GPR158: variants seen among roughly 807,000 people sequenced by gnomAD.
The protein encoded by GPR158 is metabotropic glycine receptor.
GPR158 carries 30 observed loss-of-function variants against 78.2 expected under a neutral mutation model. The observed-to-expected ratio is 0.38, with a 90% CI of 0.29 to 0.52. GPR158 has a LOEUF of 0.52. Among genes scored for constraint, GPR158 ranks in the 20% least tolerant of loss-of-function variants. The pLI, the probability that GPR158 is intolerant of heterozygous loss-of-function variation, is 0.83. For missense variants in GPR158, 1,463 were observed against 1,523.5 expected (o/e 0.96, Z 0.66); for synonymous variants, 581 against 591.1 (o/e 0.98, Z 0.25).
At chr10:25,312,220 A>G (rs966135726) in intron 2 of GPR158, among the ~76,000 whole-genome samples, 1 of 152,036 alleles carries the variant, frequency 6.6e-6, no homozygotes, top group Non-Finnish European at 1.5e-5. Flanking sequence ...AGCCATTAGT[A>G]TATATTACAA....
chr10:25,514,630 A>G (rs909616363), intron 5 of GPR158, among the ~76,000 whole-genome samples: 2 of 152,130 alleles, frequency 1.3e-5, no homozygotes, highest in Admixed American at 6.6e-5. Context: ...TTATGCTTTA[A>G]GGAGGTTTTA....
chr10:25,503,017 C>A (rs1408396163), intron 5 of GPR158, among the ~76,000 whole-genome samples: 1 of 152,058 alleles, frequency 6.6e-6, no homozygotes. Context: ...TTTTAAAATC[C>A]TTGCTCTGAA....
chr10:25,417,447 A>T (rs80344926), intron 4 of GPR158, among the ~76,000 whole-genome samples: 2,675 of 152,276 alleles, frequency 0.018, 70 homozygotes, highest in African/African-American at 0.052. Context: ...TTCATTCAGA[A>T]TCATCCTCAG....
chr10:25,375,666 A>G (rs1287827080), intron 2 of GPR158, among the ~76,000 whole-genome samples: 1 of 151,508 alleles, frequency 6.6e-6, no homozygotes, highest in Admixed American at 6.6e-5. Context: ...TTTTCCGCTT[A>G]ATTGTATTTG....
intron 3 of GPR158, among the ~76,000 whole-genome samples, chr10:25,407,727 T>A (rs2130543613): frequency 6.6e-6 from 1 of 152,264 alleles, no homozygotes; most frequent in South Asian, 2.1e-4. Context: ...CGACTCCACC[T>A]TCAAACTCTG....
chr10:25,195,421 G>T (rs1852830633), intron 1 of GPR158, among the ~76,000 whole-genome samples: 1 of 152,056 alleles, frequency 6.6e-6, no homozygotes, highest in South Asian at 2.1e-4. Flanking sequence ...GGCCAGGCTG[G>T]CCTTGAACTC....
At chr10:25,487,635 T>C (rs1564469167) in intron 5 of GPR158, among the ~76,000 whole-genome samples, 1 of 152,184 alleles carries the variant, frequency 6.6e-6, no homozygotes, top group Non-Finnish European at 1.5e-5. Flanking sequence ...CTTCCTTATC[T>C]GTAAGTTGAA....
At position 25,272,394 on chromosome 10, in the gene GPR158, GTAGATGATTTATTT is replaced by G. The variant is rs375820684; in HGVS notation, c.1008+51240_1008+51253del. On this transcript the variant is annotated intron_variant, in intron 2 of 10. Coordinates refer to ENST00000376351, the MANE Select transcript of GPR158 (RefSeq NM_020752.3). Reference sequence around the variant, plus strand: ...ATAGTATAATGTGCTCACTTCTCTGGTAGATGATTTATTTTATACTTCCTTTATTTTCTATCTCC... The same window carrying G: ...ATAGTATAATGTGCTCACTTCTCTGGTATACTTCCTTTATTTTCTATCTCC... Among the ~76,000 whole-genome samples the G allele has an allele frequency of 9.0e-3, 1,366 of 152,114 alleles. 10 individuals are homozygous for G. Among genetic ancestry groups the G allele is most frequent in the Middle Eastern group, 0.068 (20 of 294 alleles).
intron 2 of GPR158, among the ~76,000 whole-genome samples, chr10:25,286,797 A>G (rs1402860421): frequency 1.3e-5 from 2 of 152,006 alleles, no homozygotes; most frequent in African/African-American, 4.8e-5. Context: ...GATTGTTGCT[A>G]TGGTTACCCT....
intron 6 of GPR158, among the ~76,000 whole-genome samples, chr10:25,554,796 T>C (rs1437861380): frequency 6.6e-6 from 1 of 152,196 alleles, no homozygotes; most frequent in Non-Finnish European, 1.5e-5. Context: ...TTCTGTTTTT[T>C]GTCACTGCCA....
chr10:25,597,209 G>C (rs559770027), intron 10 of GPR158, among the ~76,000 whole-genome samples: 1 of 152,316 alleles, frequency 6.6e-6, no homozygotes, highest in Non-Finnish European at 1.5e-5. Flanking sequence ...ATCAGCATCT[G>C]AAGGAAGCAG....
At chr10:25,511,730 C>T (rs953421081) in intron 5 of GPR158, among the ~76,000 whole-genome samples, 6 of 152,012 alleles carry the variant, frequency 3.9e-5, no homozygotes, top group Non-Finnish European at 8.8e-5. Flanking sequence ...GATGAGGATC[C>T]AGTTTCATTT....
intron 2 of GPR158, among the ~76,000 whole-genome samples, chr10:25,343,494 C>T (rs945034042): frequency 3.9e-5 from 6 of 151,948 alleles, no homozygotes; most frequent in South Asian, 4.1e-4. Context: ...TACCACATGA[C>T]TTATTTACTC....
At chr10:25,460,998 C>T (rs563143954) in intron 4 of GPR158, among the ~76,000 whole-genome samples, 8 of 152,132 alleles carry the variant, frequency 5.3e-5, no homozygotes, top group Non-Finnish European at 8.8e-5. Context: ...CCACATAAGA[C>T]GGTGAACTTA....
At chr10:25,361,624 C>G (rs1029862290) in intron 2 of GPR158, among the ~76,000 whole-genome samples, 1 of 151,900 alleles carries the variant, frequency 6.6e-6, no homozygotes, top group African/African-American at 2.4e-5. Context: ...TTGATAGTAG[C>G]TATACTAATG....
intron 5 of GPR158, among the ~76,000 whole-genome samples, chr10:25,538,214 C>CATT (rs1564483347): frequency 2.0e-5 from 3 of 151,346 alleles, no homozygotes; most frequent in African/African-American, 4.8e-5. Context: ...TCAGATTTGC[C>CATT]GTTGTTGTTG....
chr10:25,325,902 A>ATTTTT (rs34026835), intron 2 of GPR158, among the ~76,000 whole-genome samples: 159 of 144,146 alleles, frequency 1.1e-3, no homozygotes, highest in African/African-American at 3.9e-3. Context: ...GGCCATTTGT[A>ATTTTT]TTTTTTTTTT....
At chr10:25,501,689 G>C (rs1536837) in intron 5 of GPR158, among the ~76,000 whole-genome samples, 90,296 of 152,056 alleles carry the variant, frequency 0.59, 27,938 homozygotes, top group African/African-American at 0.78. Flanking sequence ...GTATATTCCC[G>C]ACTCAAGTAG....
At chr10:25,530,215 A>C (rs1318859855) in intron 5 of GPR158, among the ~76,000 whole-genome samples, 1 of 152,136 alleles carries the variant, frequency 6.6e-6, no homozygotes, top group Non-Finnish European at 1.5e-5. Context: ...GAAAAGTGAA[A>C]AGTGTTATTA....
Sources: allele counts gnomAD v4.1 joint callset (sites outside exome capture counted in the v4.1 genomes callset), GRCh38; gene constraint gnomAD v4.1.1; transcripts MANE v1.5; gene names NCBI Gene and HGNC (gene_info 2026-07-23, HGNC 2026-07-21).